The following DDX55 variants were observed in gnomAD, a reference collection of about 807,000 sequenced individuals.
The protein encoded by DDX55 is DEAD-box helicase 55, also known as ATP-dependent RNA helicase DDX55.
In DDX55, 56 loss-of-function variants were observed where a neutral mutation model predicts 69.2. The observed-to-expected ratio is 0.81, with a 90% confidence interval of 0.65 to 1.01. The LOEUF is 1.01. Ranked by LOEUF, DDX55 falls within the 50% of genes least tolerant of loss-of-function variation. The probability of loss-of-function intolerance (pLI) is 0.00; values close to 1 mark genes in which losing one functional copy is unlikely to be tolerated. For synonymous variants in DDX55, 268 were observed against 273.1 expected (o/e 0.98, Z 0.18); for missense variants, 720 against 745.1 (o/e 0.97, Z 0.39).
intron 6 of DDX55, 132 bp from the exon 7 acceptor site, chr12:123,609,807 C>A: frequency 9.6e-7 from 1 of 1,041,526 alleles, no homozygotes. Context: ...ATCTCACCTC[C>A]CAGTGTATGT....
chr12:123,609,204 G>C (rs986211294), intron 6 of DDX55, among the ~76,000 whole-genome samples: 3 of 151,728 alleles, frequency 2.0e-5, no homozygotes, highest in Non-Finnish European at 4.4e-5. Flanking sequence ...CTCCTACCTA[G>C]GGTACCCAAA....
intron 12 of DDX55, 124 bp downstream of exon 12, chr12:123,618,961 T>C: frequency 7.3e-7 from 1 of 1,366,836 alleles, no homozygotes. Context: ...CAGAATAAAC[T>C]GGCCACTGGC....
At chr12:123,618,071 C>T in intron 11 of DDX55, 199 bp downstream of exon 11, 2 of 516,074 alleles carry the variant, frequency 3.9e-6, no homozygotes, top group Non-Finnish European at 6.9e-6. Context: ...GGCTGGAGTG[C>T]AATGGCACTA....
rs763134643 is a variant in DDX55 at position 123,607,607 on chromosome 12, C to G, written c.346C>G (p.Leu116Val). 1 of 1,614,156 alleles carries G rather than the reference C, an allele frequency of 6.2e-7. No individual in the cohort carries two copies. Among genetic ancestry groups the G allele is most frequent in the South Asian group, 1.1e-5 (1 of 91,086 alleles). Reference protein sequence around the residue: ...TKHFPEFSQILWIGGRNPGED... With the variant: ...TKHFPEFSQIVWIGGRNPGED... The stretch of plus-strand genomic sequence containing the variant: ...GCTGTTTTCTTGTTGTAGCCAGATT[C>G]TTTGGATCGGAGGCAGGAATCCTGG... Residue 116 changes from leucine to valine, a missense_variant, in exon 5 of 14, where the codon CTT becomes GTT. Transcript: ENST00000238146.
chr12:123,619,794 G>T, intron 13 of DDX55, 70 bp downstream of exon 13: 1 of 1,522,054 alleles, frequency 6.6e-7, no homozygotes, highest in Non-Finnish European at 8.7e-7. Context: ...CTTTAAATAG[G>T]AATTGTGTGG....
chr12:123,615,434 C>T, intron 9 of DDX55, 118 bp downstream of exon 9: 1 of 1,381,666 alleles, frequency 7.2e-7, no homozygotes. Flanking sequence ...CTGCCTGGAA[C>T]CCTCTTCCCT....
intron 8 of DDX55, 107 bp downstream of exon 8, chr12:123,613,359 T>A (rs1954411044): frequency 9.2e-7 from 1 of 1,086,078 alleles, no homozygotes; most frequent in Admixed American, 2.5e-5. Flanking sequence ...CTCTCCGGAA[T>A]GCTTTTGGCT....
intron 1 of DDX55, 119 bp from the exon 2 acceptor site, chr12:123,605,812 G>A (rs1229965681): frequency 5.3e-6 from 7 of 1,327,542 alleles, no homozygotes; most frequent in Non-Finnish European, 6.5e-6. Flanking sequence ...GTTACTCAGA[G>A]CCCCTTTTGT....
rs566698119 is a variant in DDX55, at chr12:123,602,145, C to G, written c.-4C>G. On this transcript the variant is annotated 5_prime_UTR_variant, in exon 1 of 14. Coordinates refer to ENST00000238146, the MANE Select transcript of DDX55 (RefSeq NM_020936.3). Reference sequence around the variant, plus strand: ...CGGCGACCGACGCGGCGAAGGAGCGCGCCATGGAGCATGTGACAGAGGGCT... The same window carrying G: ...CGGCGACCGACGCGGCGAAGGAGCGGGCCATGGAGCATGTGACAGAGGGCT... 3 of 1,547,634 alleles carry G rather than the reference C, an allele frequency of 1.9e-6. No homozygotes were observed. Among genetic ancestry groups the G allele is most frequent in the South Asian group, 2.4e-5 (2 of 84,308 alleles).
intron 1 of DDX55, 23 bp from the exon 2 acceptor site, chr12:123,605,908 T>C (rs1393712485): frequency 1.9e-6 from 3 of 1,614,166 alleles, no homozygotes; most frequent in Non-Finnish European, 1.7e-6. Flanking sequence ...CTTTAACCAG[T>C]GCTTTGCAAT....
intron 9 of DDX55, among the ~76,000 whole-genome samples, chr12:123,616,248 C>T (rs1461678832): frequency 6.6e-6 from 1 of 152,114 alleles, no homozygotes; most frequent in Non-Finnish European, 1.5e-5. Context: ...AAGGATTAGA[C>T]CCATACAGTT....
Position 123,618,736 on chromosome 12 carries a change from C to A in DDX55, c.1232C>A (p.Ala411Asp), listed in dbSNP as rs199894993. The A allele has an allele frequency of 3.2e-5, 52 of 1,614,032 alleles. No homozygotes were observed. Among genetic ancestry groups the A allele is most frequent in the Non-Finnish European group, 2.6e-5 (31 of 1,180,042 alleles). Residue 411 changes from alanine to aspartate, a missense_variant, in exon 12 of 14, where the codon GCC becomes GAC. By Grantham distance (126) the Ala-to-Asp change is moderately radical (BLOSUM62 -2). Coordinates refer to ENST00000238146, the MANE Select transcript of DDX55 (RefSeq NM_020936.3). ...ADLLPKLKSM[A>D]LADRAVFEKG... is the part of the protein sequence containing the mutation. ...CTTCTGCCAAAACTCAAGTCCATGG[C>A]CCTGGCTGACAGAGCTGTGTTTGAA...
At chr12:123,610,675 G>A (rs537696500) in intron 7 of DDX55, among the ~76,000 whole-genome samples, 6 of 142,022 alleles carry the variant, frequency 4.2e-5, no homozygotes, top group Non-Finnish European at 7.5e-5. Context: ...GCAGTGGCGC[G>A]ATCTCAGCTC....
chr12:123,613,609 G>T (rs79074645), intron 8 of DDX55, among the ~76,000 whole-genome samples: 8 of 152,106 alleles, frequency 5.3e-5, no homozygotes, highest in Non-Finnish European at 1.2e-4. Context: ...AGGCAGAGGG[G>T]GCTTAGGGCA....
intron 6 of DDX55, 30 bp from the exon 7 acceptor site, chr12:123,609,909 G>C: frequency 6.3e-7 from 1 of 1,594,880 alleles, no homozygotes; most frequent in Non-Finnish European, 8.5e-7. Context: ...TGGCAAGTGA[G>C]CGGTTAAGTG....
At chr12:123,614,434 C>T (rs1346493454) in intron 8 of DDX55, among the ~76,000 whole-genome samples, 1 of 152,196 alleles carries the variant, frequency 6.6e-6, no homozygotes, top group Non-Finnish European at 1.5e-5. Flanking sequence ...CTGCCACTTA[C>T]TCTGTGTCTC....
Position 123,619,542 on chromosome 12 carries a change from G to T in DDX55, c.1444G>T (p.Asp482Tyr). The T allele has an allele frequency of 6.2e-7, 1 of 1,613,886 alleles. No individual in the cohort carries two copies. The highest frequency in any genetic ancestry group is 8.5e-7 in the Non-Finnish European group (1 of 1,179,986). ...TTTTGTGCCCGTGGACGTTAATACC[G>T]ACACGATTCCATTTAAAGATAAAAT... ...PDFVPVDVNT[D>Y]TIPFKDKIRE... The change falls in exon 13 of 14, where the codon GAC (aspartate) becomes TAC (tyrosine). Residue 482 changes from aspartate (D) to tyrosine (Y), a missense_variant. Physicochemically the swap from Asp to Tyr is radical, Grantham distance 160. Transcript: ENST00000238146.
chr12:123,604,975 T>C (rs1186612509), intron 1 of DDX55: 1 of 152,228 alleles, frequency 6.6e-6, no homozygotes, highest in Non-Finnish European at 1.5e-5. Context: ...ATCACTGGAA[T>C]CTGTCCATCA....
rs754256165 is a variant in DDX55, at chr12:123,619,420, T to C, written c.1334-12T>C. On this transcript the variant is annotated splice_polypyrimidine_tract_variant and intron_variant, in intron 12 of 13. Transcript: ENST00000238146. ...GTTGAGTGCGCTAACTCTGATCTTC[T>C]GATTGAATCAGATCTTGATTTTGCC... 1.2e-6 allele frequency: 2 copies of C among 1,604,850 alleles called. No homozygotes were observed. The highest frequency in any genetic ancestry group is 2.2e-5 in the East Asian group (1 of 44,812).
Sources: gnomAD v4.1 joint callset for allele counts (sites outside exome capture counted in the v4.1 genomes callset) on GRCh38, gnomAD v4.1.1 for gene constraint, MANE v1.5 for transcripts, NCBI Gene and HGNC (gene_info 2026-07-23, HGNC 2026-07-21) for gene names.